Variants in NHSL1 observed in about 807,000 individuals in gnomAD.
The protein encoded by NHSL1 is NHS-like protein 1.
A neutral mutation model predicts 95.0 loss-of-function variants in NHSL1; 48 were observed. The observed-to-expected ratio is 0.51, with a 90% CI of 0.40 to 0.64. NHSL1 has a LOEUF of 0.64. Ranked by LOEUF, NHSL1 falls within the 30% of genes least tolerant of loss-of-function variation. The pLI is 0.00. For synonymous variants in NHSL1, 783 were observed against 833.9 expected, an observed-to-expected ratio of 0.94 and a Z score of 1.05; for missense variants, 1,971 against 2,077.7, an observed-to-expected ratio of 0.95 and a Z score of 1.00.
intron 1 of NHSL1, among the ~76,000 whole-genome samples, chr6:138,662,011 C>A (rs1444228931): frequency 6.6e-6 from 1 of 152,072 alleles, no homozygotes; most frequent in Non-Finnish European, 1.5e-5. Context: ...AAGTTTGAGG[C>A]TGCAGTGAGA....
At chr6:138,681,610 C>T (rs1785512484) in intron 1 of NHSL1, among the ~76,000 whole-genome samples, 1 of 152,212 alleles carries the variant, frequency 6.6e-6, no homozygotes, top group Admixed American at 6.5e-5. Context: ...GCAGCAAGAC[C>T]ATCAGCTGAG....
chr6:138,687,868 G>T (rs1018357208), intron 1 of NHSL1, among the ~76,000 whole-genome samples: 1 of 152,170 alleles, frequency 6.6e-6, no homozygotes, highest in Non-Finnish European at 1.5e-5. Flanking sequence ...TGAGTATGGG[G>T]TTTCTTTTGG....
chr6:138,523,648 A>C (rs974568824), intron 1 of NHSL1, among the ~76,000 whole-genome samples: 1 of 150,082 alleles, frequency 6.7e-6, no homozygotes, highest in African/African-American at 2.4e-5. Flanking sequence ...AAAAAAAAAA[A>C]AAAACAGAGC....
At chr6:138,657,382 A>G (rs1785170089) in intron 1 of NHSL1, among the ~76,000 whole-genome samples, 1 of 152,236 alleles carries the variant, frequency 6.6e-6, no homozygotes, top group Non-Finnish European at 1.5e-5. Context: ...ACACTTGTTA[A>G]CATAGTAAAG....
rs954117128 is a variant in NHSL1, at chr6:138,431,099, T to G, written c.3246A>C (p.Arg1082Ser). ...GTGCCGCCTCAGCGCCTGAGTTCTT[T>G]CTCACGGGCCTCAACTGCACCATCT... ...ALQMVQLRPVRKNSGAEAAQL... is the reference protein window; with the variant it reads ...ALQMVQLRPVSKNSGAEAAQL... The change falls in exon 6 of 8, where the codon AGA becomes AGC. Residue 1082 changes from arginine to serine, a missense_variant. This residue lies in a region of NHSL1 where 1,602 missense variants were observed against 1,654.5 expected (regional missense o/e 0.97). Coordinates refer to ENST00000343505, the MANE Select transcript of NHSL1 (RefSeq NM_001144060.2). The surrounding 1 kb of genome is among the most constrained non-coding windows in gnomAD (Gnocchi z 4.0). The G allele has an allele frequency of 6.4e-6, 10 of 1,551,870 alleles. No homozygotes were observed. In the Admixed American group the frequency reaches 9.8e-5, roughly 15 times the overall value.
rs572982695 is a variant in NHSL1 at position 138,541,375 on chromosome 6, TAAG to T, written c.16+4245_16+4247del. On this transcript the variant is annotated intron_variant, in intron 1 of 4. Coordinates refer to the NHSL1 transcript ENST00000342260. ...GAGCGAGACTCTGTCTCAAAAAAAA[TAAG>T]AATAAAAGCAACATCATTTAAAAAA... is the stretch of plus-strand genomic sequence containing the variant. 3.7e-3 allele frequency among the ~76,000 whole-genome samples: 561 copies of T among 152,198 alleles called. 7 individuals are homozygous for T. Among genetic ancestry groups the T allele is most frequent in the African/African-American group, 0.013 (528 of 41,512 alleles).
At chr6:138,614,707 C>G (rs1358670209) in intron 1 of NHSL1, among the ~76,000 whole-genome samples, 1 of 152,172 alleles carries the variant, frequency 6.6e-6, no homozygotes, top group Non-Finnish European at 1.5e-5. Flanking sequence ...TTGTTAGGAA[C>G]TGGGCCACAC....
intron 2 of NHSL1, among the ~76,000 whole-genome samples, chr6:138,475,040 CGGG>C (rs1162688277): frequency 1.3e-5 from 2 of 151,372 alleles, no homozygotes; most frequent in Non-Finnish European, 2.9e-5. Flanking sequence ...CCCAGCTACT[CGGG>C]AAGGTTGAGG....
intron 5 of NHSL1, among the ~76,000 whole-genome samples, chr6:138,437,270 G>T (rs1776171463): frequency 7.4e-6 from 1 of 134,332 alleles, no homozygotes; most frequent in African/African-American, 2.8e-5. Flanking sequence ...GTGAAACTCT[G>T]TCTCAAAAAA....
At chr6:138,502,670 T>C (rs1780749303), upstream of NHSL1, among the ~76,000 whole-genome samples, 1 of 152,074 alleles carries the variant, frequency 6.6e-6, no homozygotes, top group Non-Finnish European at 1.5e-5. Context: ...CACTAATGCA[T>C]AATAGCGAAA....
In NHSL1 at chr6:138,649,361, T is replaced by C. The variant is rs572244205; in HGVS notation, c.96+43115A>G. Among the ~76,000 whole-genome samples the C allele has an allele frequency of 2.0e-3, 297 of 152,080 alleles. 1 individual carries two copies. The highest frequency in any genetic ancestry group is 3.4e-3 in the Middle Eastern group (1 of 292). On this transcript the variant is annotated intron_variant, in intron 1 of 3. Transcript: ENST00000491526. ...GAAGCCATTCTGAAACTTGATACTCTATGGATCTTCCTTAAATTGGACCTA... is the reference window on the plus strand; with the variant it reads ...GAAGCCATTCTGAAACTTGATACTCCATGGATCTTCCTTAAATTGGACCTA...
At chr6:138,587,062 C>T (rs993585194) in intron 1 of NHSL1, among the ~76,000 whole-genome samples, 23 of 151,844 alleles carry the variant, frequency 1.5e-4, no homozygotes, top group Admixed American at 1.2e-3. Flanking sequence ...AACCTCCGCC[C>T]CCTAGGTTCA....
At chr6:138,610,196 A>T (rs1392247921) in intron 1 of NHSL1, among the ~76,000 whole-genome samples, 1 of 152,194 alleles carries the variant, frequency 6.6e-6, no homozygotes, top group African/African-American at 2.4e-5. Context: ...GCAGTATGTT[A>T]GGCATTCAGT....
At chr6:138,511,054 A>G (rs1270790032) in intron 1 of NHSL1, among the ~76,000 whole-genome samples, 1 of 152,366 alleles carries the variant, frequency 6.6e-6, no homozygotes, top group East Asian at 1.9e-4. Context: ...CTGAGAAAAA[A>G]ATCAACCAGG....
chr6:138,670,593 G>C (rs1281908611), intron 1 of NHSL1, among the ~76,000 whole-genome samples: 1 of 146,468 alleles, frequency 6.8e-6, no homozygotes, highest in South Asian at 2.2e-4. Context: ...GTGAACCCGG[G>C]AGGCGGAGCT....
upstream of NHSL1, among the ~76,000 whole-genome samples, chr6:138,574,314 T>G (rs1783928938): frequency 6.6e-6 from 1 of 151,946 alleles, no homozygotes; most frequent in African/African-American, 2.4e-5. Flanking sequence ...TCTTTCTGAG[T>G]AGAAAACACT....
chr6:138,532,706 T>A (rs1782186283), intron 1 of NHSL1, among the ~76,000 whole-genome samples: 1 of 152,206 alleles, frequency 6.6e-6, no homozygotes, highest in Non-Finnish European at 1.5e-5. Context: ...TGGCTTATTC[T>A]GAGTCAATAA....
intron 1 of NHSL1, among the ~76,000 whole-genome samples, chr6:138,602,610 T>G (rs928295572): frequency 6.6e-6 from 1 of 152,208 alleles, no homozygotes; most frequent in Non-Finnish European, 1.5e-5. Context: ...CCCAAAGTGC[T>G]GGGACTACAG....
chr6:138,634,528 G>A (rs551752082), intron 1 of NHSL1, among the ~76,000 whole-genome samples: 3 of 152,096 alleles, frequency 2.0e-5, no homozygotes, highest in African/African-American at 2.4e-5. Context: ...AAACATATAC[G>A]CACCCAGCAC....
Sources: allele counts gnomAD v4.1 joint callset (sites outside exome capture counted in the v4.1 genomes callset), GRCh38; gene constraint gnomAD v4.1.1; regional missense constraint gnomAD v4.1.1; non-coding constraint Gnocchi (gnomAD v3.1); transcripts MANE v1.5; gene names NCBI Gene and HGNC (gene_info 2026-07-23, HGNC 2026-07-21).